PPP2R2C: variants seen among roughly 807,000 people sequenced by gnomAD.
PPP2R2C encodes protein phosphatase 2, regulatory subunit B, gamma.
A neutral mutation model predicts 45.3 loss-of-function variants in PPP2R2C; 10 were observed. The ratio of observed to expected loss-of-function variants is 0.22; its 90% CI spans 0.14 to 0.37. The LOEUF is 0.37. Ranked by LOEUF, PPP2R2C falls within the 10% of genes least tolerant of loss-of-function variation. PPP2R2C has a pLI of 1.00. For missense variants in PPP2R2C, 308 were observed against 619.7 expected, an observed-to-expected ratio of 0.50 and a Z score of 5.34; for synonymous variants, 257 against 245.4, an observed-to-expected ratio of 1.05 and a Z score of -0.44.
Position 6,333,701 on chromosome 4 carries a change from C to T in PPP2R2C, c.821G>A (p.Arg274His), listed in dbSNP as rs776449314. The change falls in exon 7 of 9, where the codon CGC becomes CAC. Residue 274 changes from arginine (R) to histidine (H), a missense_variant. Arg to His is a conservative substitution (Grantham distance 29, BLOSUM62 0). Transcript: ENST00000382599. The stretch of plus-strand genomic sequence containing the variant: ...GGAGATGATTTCCGAGAAGAATGAG[C>T]GGTTACTGGGGTCCTCAGGCTCTTC... ...LFEEPEDPSN[R>H]SFFSEIISSV... 6.8e-6 allele frequency: 11 copies of T among 1,614,100 alleles called. No individual in the cohort carries two copies. Among genetic ancestry groups the T allele is most frequent in the Non-Finnish European group, 7.6e-6 (9 of 1,179,994 alleles).
At chr4:6,562,542 C>T (rs1366905119) in intron 1 of PPP2R2C, among the ~76,000 whole-genome samples, 4 of 152,082 alleles carry the variant, frequency 2.6e-5, no homozygotes, top group Non-Finnish European at 5.9e-5. Context: ...GACCAGCACC[C>T]TACCCCGGTC....
intron 1 of PPP2R2C, among the ~76,000 whole-genome samples, chr4:6,407,099 T>G (rs910651757): frequency 6.6e-6 from 1 of 152,226 alleles, no homozygotes; most frequent in South Asian, 2.1e-4. Flanking sequence ...AGAGGGAACG[T>G]AGGCCTACGG....
At chr4:6,394,370 C>G (rs559101496) in intron 1 of PPP2R2C, among the ~76,000 whole-genome samples, 1 of 152,184 alleles carries the variant, frequency 6.6e-6, no homozygotes, top group African/African-American at 2.4e-5. Context: ...CAAGAAACTG[C>G]TAGAAATTGT....
At chr4:6,336,879 C>G (rs1577077585) in intron 6 of PPP2R2C, among the ~76,000 whole-genome samples, 1 of 18,568 alleles carries the variant, frequency 5.4e-5, no homozygotes, top group African/African-American at 1.5e-4. Flanking sequence ...TTCCATCCCT[C>G]CCTCCCTCCA....
chr4:6,441,492 C>T (rs111490619), intron 1 of PPP2R2C, among the ~76,000 whole-genome samples: 1,608 of 152,254 alleles, frequency 0.011, 38 homozygotes, highest in African/African-American at 0.036. Flanking sequence ...TGAGCTGCCA[C>T]CAGTCCCCAC....
intron 1 of PPP2R2C, chr4:6,381,726 A>G (rs1577130556): frequency 1.3e-6 from 2 of 1,577,962 alleles, no homozygotes; most frequent in Non-Finnish European, 1.7e-6. Flanking sequence ...CATCCCAACC[A>G]TGTTTCTTCA....
chr4:6,400,093 G>T (rs1330105362), intron 1 of PPP2R2C, among the ~76,000 whole-genome samples: 2 of 152,206 alleles, frequency 1.3e-5, no homozygotes, highest in East Asian at 3.9e-4. Flanking sequence ...ACCTAAATCA[G>T]CAGTTCTAAG....
chr4:6,457,393 A>T (rs1160571802), intron 1 of PPP2R2C, among the ~76,000 whole-genome samples: 2 of 151,918 alleles, frequency 1.3e-5, no homozygotes, highest in Non-Finnish European at 2.9e-5. Context: ...TCTTTTTGAG[A>T]CAGGGTCTGG....
At chr4:6,403,132 A>AG (rs1264283249) in intron 1 of PPP2R2C, among the ~76,000 whole-genome samples, 3 of 152,270 alleles carry the variant, frequency 2.0e-5, no homozygotes. Context: ...TGCACATGGC[A>AG]GGACAGTGGG....
chr4:6,510,730 C>A (rs77801018), intron 2 of PPP2R2C, among the ~76,000 whole-genome samples: 54,837 of 151,930 alleles, frequency 0.36, 10,770 homozygotes, highest in East Asian at 0.73. Context: ...GTAATCCCAG[C>A]ACTTTGGGAG....
intron 5 of PPP2R2C, chr4:6,350,202 C>G (rs1162134954): frequency 1.0e-6 from 1 of 985,404 alleles, no homozygotes; most frequent in Non-Finnish European, 1.2e-6. Flanking sequence ...AGAAAAGAGC[C>G]CTCCTCCTGC....
At chr4:6,539,021 C>T (rs1335545314) in intron 1 of PPP2R2C, among the ~76,000 whole-genome samples, 1 of 152,160 alleles carries the variant, frequency 6.6e-6, no homozygotes, top group Admixed American at 6.5e-5. Context: ...ATGCTGCAGT[C>T]TTCACCCCTA....
chr4:6,326,106 A>T (rs543969762), intron 8 of PPP2R2C, among the ~76,000 whole-genome samples: 1 of 152,328 alleles, frequency 6.6e-6, no homozygotes, highest in East Asian at 1.9e-4. Context: ...TGGTGCAAAA[A>T]GTGGGCAAGT....
At chr4:6,506,721 A>G (rs1577226486) in intron 2 of PPP2R2C, among the ~76,000 whole-genome samples, 1 of 152,306 alleles carries the variant, frequency 6.6e-6, no homozygotes, top group East Asian at 1.9e-4. Context: ...GGCTTAGCTG[A>G]GCTGTTCCTT....
intron 5 of PPP2R2C, among the ~76,000 whole-genome samples, chr4:6,355,836 C>CAA (rs71173436): frequency 3.3e-5 from 5 of 150,486 alleles, no homozygotes; most frequent in Non-Finnish European, 5.9e-5. Context: ...ACTAAAAATA[C>CAA]AAAAAAAATT....
In PPP2R2C at chr4:6,548,311, G is replaced by A. The variant is rs148665052; in HGVS notation, c.-58-12934C>T. Among the ~76,000 whole-genome samples, 529 of 152,180 alleles carry A rather than the reference G, an allele frequency of 3.5e-3. 3 individuals carry two copies. The highest frequency in any genetic ancestry group is 0.012 in the African/African-American group (491 of 41,498). ...AACACTCAGCCTCTCTGAGCCTCCC[G>A]GTCCCCCACTGGTGGAATGAGATGG... On this transcript the variant is annotated intron_variant, in intron 1 of 9. Coordinates refer to the PPP2R2C transcript ENST00000506140.
At chr4:6,502,656 G>T (rs150065226) in intron 2 of PPP2R2C, among the ~76,000 whole-genome samples, 1 of 152,220 alleles carries the variant, frequency 6.6e-6, no homozygotes, top group East Asian at 1.9e-4. Context: ...AAGACAATTA[G>T]TCAATCAATC....
chr4:6,437,388 G>C (rs1237064494), intron 1 of PPP2R2C, among the ~76,000 whole-genome samples: 1 of 152,208 alleles, frequency 6.6e-6, no homozygotes, highest in African/African-American at 2.4e-5. Context: ...GAGACAGAAG[G>C]CCTGGCAAGT....
In PPP2R2C at chr4:6,471,782, T is replaced by G; in HGVS notation, c.70+378A>C. On this transcript the variant is annotated intron_variant, in intron 1 of 8. Coordinates refer to ENST00000382599, the MANE Select transcript of PPP2R2C (RefSeq NM_020416.4). This position sits in a 1 kb window ranked among gnomAD's most constrained non-coding sequence, Gnocchi z 5.6. Reference sequence around the variant, plus strand: ...CAGGGCTGAAATGGCAAATCCAGGATTTAAACCATTAAATTTCCCCGAGAT... The same window carrying G: ...CAGGGCTGAAATGGCAAATCCAGGAGTTAAACCATTAAATTTCCCCGAGAT... 4.8e-6 allele frequency: 1 copy of G among 206,854 alleles called. No individual in the cohort carries two copies. The highest frequency in any genetic ancestry group is 9.7e-6 in the Non-Finnish European group (1 of 103,304). The allele number at this position is 206,854 out of a possible 1,614,324, so 12.8% of individuals were successfully genotyped here.
Sources: allele counts gnomAD v4.1 joint callset (sites outside exome capture counted in the v4.1 genomes callset), GRCh38; gene constraint gnomAD v4.1.1; non-coding constraint Gnocchi (gnomAD v3.1); transcripts MANE v1.5; gene names NCBI Gene and HGNC (gene_info 2026-07-23, HGNC 2026-07-21).